The following ZZEF1 variants were observed in gnomAD, a reference collection of about 807,000 sequenced individuals.
The protein encoded by ZZEF1 is zinc finger ZZ-type and EF-hand domain-containing protein 1.
A neutral mutation model predicts 342.8 loss-of-function variants in ZZEF1; 157 were observed. The ratio of observed to expected loss-of-function variants is 0.46; its 90% CI spans 0.40 to 0.52. The LOEUF (loss-of-function observed/expected upper bound fraction) is 0.52. Ranked by LOEUF, ZZEF1 falls within the 20% of genes least tolerant of loss-of-function variation. The probability of loss-of-function intolerance (pLI) is 0.00; values close to 1 mark genes in which losing one functional copy is unlikely to be tolerated. For missense variants in ZZEF1, 3,480 were observed against 3,725.6 expected (o/e 0.93, Z 1.72); for synonymous variants, 1,505 against 1,429.1 (o/e 1.05, Z -1.20).
At position 4,017,894 on chromosome 17, in the gene ZZEF1, C is replaced by T; in HGVS notation, c.7583G>A (p.Arg2528Lys). The T allele has an allele frequency of 6.2e-7, 1 of 1,614,162 alleles. No individual in the cohort carries two copies. Among genetic ancestry groups the T allele is most frequent in the Non-Finnish European group, 8.5e-7 (1 of 1,180,040 alleles). Reference sequence around the variant, plus strand: ...AGCTTTGGCGCTCTGTTCTTCCAGCCTCAGACTCTTACTGGGCTGCCACCG... The same window carrying T: ...AGCTTTGGCGCTCTGTTCTTCCAGCTTCAGACTCTTACTGGGCTGCCACCG... ...AQRWQPSKSL[R>K]LEEQSAKAVD... Residue 2528 changes from arginine to lysine, a missense_variant, in exon 47 of 55, where the codon AGG becomes AAG. Physicochemically the swap from Arg to Lys is conservative, Grantham distance 26. This residue lies in a region of ZZEF1 where 1,269 missense variants were observed against 1,342.4 expected (regional missense o/e 0.95). Coordinates refer to ENST00000381638, the MANE Select transcript of ZZEF1 (RefSeq NM_015113.4). This position sits in a 1 kb window ranked among gnomAD's most constrained non-coding sequence, Gnocchi z 5.1.
chr17:4,078,315 C>T (rs1379003089), intron 18 of ZZEF1, among the ~76,000 whole-genome samples: 4 of 152,160 alleles, frequency 2.6e-5, no homozygotes, highest in Admixed American at 6.5e-5. Context: ...CTGGGTATCT[C>T]TTCTTTCTCT....
intron 23 of ZZEF1, among the ~76,000 whole-genome samples, chr17:4,074,659 C>G (rs2057574229): frequency 6.6e-6 from 1 of 152,156 alleles, no homozygotes. Flanking sequence ...GACCACTGAC[C>G]ATGGAGAGAA....
At chr17:4,012,652 C>T (rs2055993726) in intron 52 of ZZEF1, among the ~76,000 whole-genome samples, 1 of 152,102 alleles carries the variant, frequency 6.6e-6, no homozygotes. Context: ...ACTATATGTC[C>T]TCCCTATAGC....
At chr17:4,069,359 C>T (rs2057464902) in intron 26 of ZZEF1, among the ~76,000 whole-genome samples, 1 of 152,134 alleles carries the variant, frequency 6.6e-6, no homozygotes, top group Non-Finnish European at 1.5e-5. Flanking sequence ...TTCCATATGA[C>T]ATTTGTTTCC....
chr17:4,080,720 T>C (rs1195971071), intron 18 of ZZEF1, among the ~76,000 whole-genome samples: 1 of 151,932 alleles, frequency 6.6e-6, no homozygotes. Flanking sequence ...CCAAGTAGTT[T>C]TCCTGAAAAT....
rs77629437 is a variant in ZZEF1, at chr17:4,014,597, G to T, written c.8146-82C>A. The T allele has an allele frequency of 3.4e-4, 498 of 1,460,996 alleles. 2 individuals are homozygous for T. In the African/African-American group the frequency reaches 6.4e-3, roughly 19 times the overall value. 90.5% of individuals were successfully genotyped at this position (1,460,996 alleles called of 1,614,324 possible). ...CAGCTGTCCCATGCCGAGTCCTGTG[G>T]CTGGACCCGGGTGTGTGAGAATGAG... On this transcript the variant is annotated intron_variant, in intron 49 of 54. Coordinates refer to ENST00000381638, the MANE Select transcript of ZZEF1 (RefSeq NM_015113.4). The surrounding 1 kb of genome is among the most constrained non-coding windows in gnomAD (Gnocchi z 4.4).
intron 1 of ZZEF1, among the ~76,000 whole-genome samples, chr17:4,138,282 T>C (rs994260556): frequency 1.3e-5 from 2 of 152,200 alleles, no homozygotes; most frequent in African/African-American, 4.8e-5. Flanking sequence ...TGCAGATTCC[T>C]ACGGCACAGT....
chr17:4,044,222 A>C lies in ZZEF1; in HGVS notation c.6166+2T>G. 1 of 1,613,490 alleles carries C rather than the reference A, an allele frequency of 6.2e-7. No individual in the cohort carries two copies. Among genetic ancestry groups the C allele is most frequent in the Non-Finnish European group, 8.5e-7 (1 of 1,179,790 alleles). The stretch of plus-strand genomic sequence containing the variant: ...TGAAGATAATGGTCAAATAGTCTTT[A>C]CCTGGAAGTCCTGTAGGTGGGCTAG... On this transcript the variant is annotated splice_donor_variant, in intron 38 of 54. Transcript: ENST00000381638. LOFTEE classifies it high-confidence loss of function.
In ZZEF1 at chr17:4,014,322, T is replaced by C. The variant is rs765112311; in HGVS notation, c.8314+25A>G. ...TTAAACACTGCCTGTGAAGAACCTA[T>C]CTAATCGAGTATTTGTTTCACTACC... On this transcript the variant is annotated intron_variant, in intron 50 of 54. Coordinates refer to ENST00000381638, the MANE Select transcript of ZZEF1 (RefSeq NM_015113.4). This position sits in a 1 kb window ranked among gnomAD's most constrained non-coding sequence, Gnocchi z 4.4. 7 of 1,614,004 alleles carry C rather than the reference T, an allele frequency of 4.3e-6. No individual in the cohort carries two copies. The South Asian group carries it at 5.5e-5, about 13-fold the overall frequency.
At chr17:4,103,165 T>C (rs2058154530) in intron 8 of ZZEF1, among the ~76,000 whole-genome samples, 1 of 151,712 alleles carries the variant, frequency 6.6e-6, no homozygotes, top group Non-Finnish European at 1.5e-5. Context: ...CCCAAGAAAA[T>C]AACCTTTCAA....
chr17:4,076,084 A>G (rs2057609052), intron 21 of ZZEF1: 1 of 151,784 alleles, frequency 6.6e-6, no homozygotes, highest in South Asian at 2.1e-4. Context: ...ATATAACTTC[A>G]TCAACTATAA....
Position 4,072,764 on chromosome 17 carries a change from G to C in ZZEF1, c.3686-8C>G, listed in dbSNP as rs757154608. ...CCATGTTACTTCCTAACTCTAGAAA[G>C]AGAAGAAGACATATGACAGTTCTAT... On this transcript the variant is annotated splice_region_variant and splice_polypyrimidine_tract_variant and intron_variant, in intron 24 of 54. Coordinates refer to ENST00000381638, the MANE Select transcript of ZZEF1 (RefSeq NM_015113.4). 1.4e-5 allele frequency: 22 copies of C among 1,607,100 alleles called. No homozygotes were observed. In the East Asian group the frequency reaches 4.5e-4, roughly 33 times the overall value.
In ZZEF1 at chr17:4,075,438, A is replaced by T; in HGVS notation, c.3235-9T>A. The T allele has an allele frequency of 6.2e-7, 1 of 1,612,606 alleles. No homozygotes were observed. The highest frequency in any genetic ancestry group is 8.5e-7 in the Non-Finnish European group (1 of 1,179,148). ...CAGGTCTCAACATCCAGCTATGATA[A>T]CAAATGAGCCAGGGGAAAGAAAGGT... On this transcript the variant is annotated splice_polypyrimidine_tract_variant and intron_variant, in intron 21 of 54. Transcript: ENST00000381638.
chr17:4,076,947 G>A lies in ZZEF1; in HGVS notation c.3032C>T (p.Ser1011Phe). 6.2e-7 allele frequency: 1 copy of A among 1,614,056 alleles called. No homozygotes were observed. The highest frequency in any genetic ancestry group is 8.5e-7 in the Non-Finnish European group (1 of 1,179,972). The part of the protein sequence containing the change: ...FLASMRAILE[S>F]LFSQYSGKTI... ...TTTTCCACTGTACTGTGAGAAAAGG[G>A]ATTCCAAAATCGCTCTCATGCTTGC... The change falls in exon 20 of 55, where the codon TCC becomes TTC. Residue 1011 changes from serine to phenylalanine, a missense_variant. By Grantham distance (155) the Ser-to-Phe change is radical. Coordinates refer to ENST00000381638, the MANE Select transcript of ZZEF1 (RefSeq NM_015113.4).
chr17:4,069,595 C>G (rs895893358), intron 26 of ZZEF1, among the ~76,000 whole-genome samples: 7 of 152,172 alleles, frequency 4.6e-5, no homozygotes, highest in Non-Finnish European at 1.0e-4. Flanking sequence ...CTTTGGGAGG[C>G]TGAGGCAGGC....
Position 4,067,466 on chromosome 17 carries a change from T to A in ZZEF1, c.4076-224A>T, listed in dbSNP as rs148207327. Among the ~76,000 whole-genome samples the A allele has an allele frequency of 9.2e-5, 14 of 152,182 alleles. 1 individual carries two copies. The East Asian group carries it at 2.7e-3, about 29-fold the overall frequency. On this transcript the variant is annotated intron_variant, in intron 26 of 54. Transcript: ENST00000381638. ...AAACTAACTTTTTTCAAACTAATAA[T>A]TTCTAAAATGGAAATAATTTTAAAA...
chr17:4,119,462 C>A (rs2058449206), intron 2 of ZZEF1, among the ~76,000 whole-genome samples: 1 of 152,240 alleles, frequency 6.6e-6, no homozygotes, highest in Admixed American at 6.5e-5. Flanking sequence ...ACAGCTCTCA[C>A]CCTACTGGTC....
rs890511164 is a variant in ZZEF1, at chr17:4,087,444, A to G, written c.2332T>C (p.Leu778=). ...CAAATTCTGACCTACTTTTGCTTTAATTTACTGTAAAAATTCCAGAAGATC... is the reference window on the plus strand; with the variant it reads ...CAAATTCTGACCTACTTTTGCTTTAGTTTACTGTAAAAATTCCAGAAGATC... ...LQIFWNFYSK[L]KQNPREECVS... Residue 778 remains leucine (L), a synonymous_variant, in exon 14 of 55, where the codon TTA becomes CTA. Coordinates refer to ENST00000381638, the MANE Select transcript of ZZEF1 (RefSeq NM_015113.4). The G allele has an allele frequency of 1.9e-6, 3 of 1,609,780 alleles. No homozygotes were observed. The highest frequency in any genetic ancestry group is 2.7e-5 in the African/African-American group (2 of 74,684).
intron 33 of ZZEF1, among the ~76,000 whole-genome samples, 199 bp downstream of exon 33, chr17:4,056,017 C>T (rs990517256): frequency 2.2e-4 from 33 of 152,224 alleles, no homozygotes; most frequent in Middle Eastern, 3.2e-3. Context: ...GGACAGGAGG[C>T]GGAGCTCAGC....
Sources: allele counts gnomAD v4.1 joint callset (sites outside exome capture counted in the v4.1 genomes callset), GRCh38; gene constraint gnomAD v4.1.1; regional missense constraint gnomAD v4.1.1; non-coding constraint Gnocchi (gnomAD v3.1); transcripts MANE v1.5; gene names NCBI Gene and HGNC (gene_info 2026-07-23, HGNC 2026-07-21).